The following XKR6 variants were observed in gnomAD, a reference collection of about 807,000 sequenced individuals.
The protein encoded by XKR6 is XK related 6.
Under a neutral mutation model 56.7 loss-of-function variants are expected in XKR6, and 22 were observed. That is an observed-to-expected ratio of 0.39 (90% CI 0.28 to 0.55). The LOEUF is 0.55. XKR6 is among the 20% of genes least tolerant of loss of function. The pLI, the probability that XKR6 is intolerant of heterozygous loss-of-function variation, is 0.66. For synonymous variants in XKR6, 524 were observed against 387.8 expected, an observed-to-expected ratio of 1.35 and a Z score of -4.13; for missense variants, 852 against 889.0, an observed-to-expected ratio of 0.96 and a Z score of 0.53.
intron 1 of XKR6, among the ~76,000 whole-genome samples, chr8:11,121,776 G>A (rs1799468566): frequency 6.6e-6 from 1 of 152,174 alleles, no homozygotes; most frequent in Admixed American, 6.5e-5. Flanking sequence ...CAAAGACTTG[G>A]AACCAACCCA....
intron 1 of XKR6, chr8:11,106,507 T>A (rs535052849): frequency 2.0e-5 from 3 of 152,242 alleles, no homozygotes; most frequent in Admixed American, 6.5e-5. Flanking sequence ...ATGAAGCAGA[T>A]GTCCAGTGGA....
chr8:11,038,807 C>A (rs1236353581), intron 1 of XKR6, among the ~76,000 whole-genome samples: 1 of 152,058 alleles, frequency 6.6e-6, no homozygotes, highest in Admixed American at 6.5e-5. Context: ...TCCCAAAGTG[C>A]TGGGATTACA....
intron 1 of XKR6, chr8:11,123,782 TCTC>T (rs1351725096): frequency 4.6e-6 from 2 of 431,452 alleles, no homozygotes; most frequent in South Asian, 1.6e-5. Flanking sequence ...AACAAAAAAG[TCTC>T]CTCATCTCAG....
intron 1 of XKR6, among the ~76,000 whole-genome samples, chr8:11,127,765 T>C (rs71518511): frequency 7.2e-5 from 11 of 152,328 alleles, no homozygotes; most frequent in African/African-American, 1.9e-4. Flanking sequence ...CAATGTGCGG[T>C]TACATATTTA....
chr8:11,002,662 CG>C (rs1798270135), intron 1 of XKR6, among the ~76,000 whole-genome samples: 1 of 152,228 alleles, frequency 6.6e-6, no homozygotes, highest in African/African-American at 2.4e-5. Flanking sequence ...ATTCTCACCA[CG>C]CCAACCATGG....
At position 11,140,808 on chromosome 8, in the gene XKR6, G is replaced by C. The variant is rs548927911; in HGVS notation, c.764+59768C>G. Among the ~76,000 whole-genome samples, 3 of 148,442 alleles carry C rather than the reference G, an allele frequency of 2.0e-5. No individual in the cohort carries two copies. In the Admixed American group the frequency reaches 2.0e-4, roughly 10 times the overall value. ...AGCTACTCGGGAGGCTGAGGCAGGA[G>C]AATGGCGTGAACCCAGGAGGAAGAG... On this transcript the variant is annotated intron_variant, in intron 1 of 2. Transcript: ENST00000416569.
At chr8:11,111,008 ATTTTTTTTTT>A (rs58233543) in intron 1 of XKR6, among the ~76,000 whole-genome samples, 10 of 114,218 alleles carry the variant, frequency 8.8e-5, no homozygotes, top group South Asian at 2.9e-4. Flanking sequence ...GGCTTTTTCT[ATTTTTTTTTT>A]TTTTTTTTTT....
rs191210618 is a variant in XKR6, at chr8:11,009,240, G to C, written c.765-84410C>G. Among the ~76,000 whole-genome samples the C allele has an allele frequency of 2.0e-4, 30 of 152,282 alleles. No homozygotes were observed. The East Asian group carries it at 3.9e-3, about 20-fold the overall frequency. Reference sequence around the variant, plus strand: ...AAGGTATAGGGTTTGGCCGGGCATGGTGACTCACACCTGTAATCCCAGCAA... The same window carrying C: ...AAGGTATAGGGTTTGGCCGGGCATGCTGACTCACACCTGTAATCCCAGCAA... On this transcript the variant is annotated intron_variant, in intron 1 of 2. Coordinates refer to ENST00000416569, the MANE Select transcript of XKR6 (RefSeq NM_173683.4).
chr8:11,128,312 T>C (rs1191550629), intron 1 of XKR6, among the ~76,000 whole-genome samples: 1 of 152,176 alleles, frequency 6.6e-6, no homozygotes, highest in Non-Finnish European at 1.5e-5. Flanking sequence ...CAGGCCTTCC[T>C]GTCTACACTC....
At chr8:11,126,851 C>A (rs74758350) in intron 1 of XKR6, among the ~76,000 whole-genome samples, 3,942 of 152,218 alleles carry the variant, frequency 0.026, 174 homozygotes, top group African/African-American at 0.091. Flanking sequence ...GCCCCACAAA[C>A]AAGTCATGTT....
intron 1 of XKR6, among the ~76,000 whole-genome samples, chr8:10,945,612 T>G (rs779339001): frequency 2.0e-5 from 3 of 152,196 alleles, no homozygotes; most frequent in Non-Finnish European, 4.4e-5. Context: ...TGGTTTTTTG[T>G]TTATCTTTAT....
Position 11,086,031 on chromosome 8 carries a change from GGGCCCGAGTGCCCCGGAGGA to G in XKR6, c.764+114525_764+114544del, listed in dbSNP as rs1439366966. On this transcript the variant is annotated intron_variant, in intron 1 of 2. Coordinates refer to ENST00000416569, the MANE Select transcript of XKR6 (RefSeq NM_173683.4). Reference sequence around the variant, plus strand: ...TAATCAAAGTCTCCTCCTTGGCAGGGGGCCCGAGTGCCCCGGAGGACACTCTCACGGTCCCGCCAGCTGCC... The same window carrying G: ...TAATCAAAGTCTCCTCCTTGGCAGGGCACTCTCACGGTCCCGCCAGCTGCC... Among the ~76,000 whole-genome samples the G allele has an allele frequency of 2.0e-4, 30 of 151,936 alleles. 1 individual carries two copies. The East Asian group carries it at 5.6e-3, about 29-fold the overall frequency.
At chr8:11,197,368 G>C (rs1172857182) in intron 1 of XKR6, among the ~76,000 whole-genome samples, 1 of 152,180 alleles carries the variant, frequency 6.6e-6, no homozygotes, top group Non-Finnish European at 1.5e-5. Flanking sequence ...AGCAGAGAAA[G>C]GACAATAGCA....
chr8:11,104,540 T>C (rs577103100), intron 1 of XKR6, among the ~76,000 whole-genome samples: 1 of 152,348 alleles, frequency 6.6e-6, no homozygotes, highest in East Asian at 1.9e-4. Flanking sequence ...TCATCCTTGG[T>C]TTCTCTTCCT....
chr8:10,951,068 G>A (rs567972796), intron 1 of XKR6, among the ~76,000 whole-genome samples: 37 of 152,268 alleles, frequency 2.4e-4, no homozygotes, highest in African/African-American at 8.4e-4. Flanking sequence ...AGCGCCAGAC[G>A]GAGTCACCCA....
Position 11,201,443 on chromosome 8 carries a change from G to C in XKR6, c.-104C>G. On this transcript the variant is annotated 5_prime_UTR_variant, in exon 1 of 3. Transcript: ENST00000416569. ...GGGGGAAACGAATGGAGAGGAAGGG[G>C]GGCGGGGAGGAAGCGGGGGAGCAAA... 2.0e-6 allele frequency: 1 copy of C among 492,878 alleles called. No individual in the cohort carries two copies. Among genetic ancestry groups the C allele is most frequent in the Non-Finnish European group, 3.4e-6 (1 of 291,548 alleles). The allele number at this position is 492,878 out of a possible 1,614,324, so 30.5% of individuals were successfully genotyped here.
chr8:11,000,473 G>C (rs574294615), intron 1 of XKR6, among the ~76,000 whole-genome samples: 1 of 152,094 alleles, frequency 6.6e-6, no homozygotes, highest in African/African-American at 2.4e-5. Flanking sequence ...ATCACTTGAC[G>C]TCAAGAGCTC....
At chr8:10,940,744 G>A (rs969050008) in intron 1 of XKR6, among the ~76,000 whole-genome samples, 5 of 152,224 alleles carry the variant, frequency 3.3e-5, no homozygotes, top group South Asian at 2.1e-4. Flanking sequence ...CAACCTGTAC[G>A]CGACAACCAG....
At chr8:10,971,376 GCA>G (rs1802405518) in intron 1 of XKR6, among the ~76,000 whole-genome samples, 1 of 151,922 alleles carries the variant, frequency 6.6e-6, no homozygotes, top group African/African-American at 2.4e-5. Flanking sequence ...AGCCAAGATC[GCA>G]CCACTGCACT....
Sources: allele counts gnomAD v4.1 joint callset (sites outside exome capture counted in the v4.1 genomes callset), GRCh38; gene constraint gnomAD v4.1.1; transcripts MANE v1.5; gene names NCBI Gene and HGNC (gene_info 2026-07-23, HGNC 2026-07-21).